Variants in EVL observed in about 807,000 individuals in gnomAD.
EVL encodes the protein Enah/Vasp-like, also known as ena/VASP-like protein.
A neutral mutation model predicts 59.6 loss-of-function variants in EVL; 21 were observed. The ratio of observed to expected loss-of-function variants is 0.35; its 90% confidence interval spans 0.25 to 0.51. The LOEUF is 0.51. Among genes scored for constraint, EVL ranks in the 20% least tolerant of loss-of-function variants. The pLI, the probability that EVL is intolerant of heterozygous loss-of-function variation, is 0.97. For missense variants in EVL, 462 were observed against 546.6 expected, an observed-to-expected ratio of 0.85 and a Z score of 1.54; for synonymous variants, 198 against 203.5, an observed-to-expected ratio of 0.97 and a Z score of 0.23.
chr14:99,996,234 G>A (rs1429026516), intron 1 of EVL, among the ~76,000 whole-genome samples: 1 of 151,634 alleles, frequency 6.6e-6, no homozygotes, highest in Non-Finnish European at 1.5e-5. Flanking sequence ...CTTTTCTGCT[G>A]GCTTTCATGA....
intron 1 of EVL, among the ~76,000 whole-genome samples, chr14:100,037,873 A>C (rs2061410769): frequency 6.6e-6 from 1 of 152,238 alleles, no homozygotes. Context: ...CAAATGGGAT[A>C]GCTTCCATTT....
intron 1 of EVL, among the ~76,000 whole-genome samples, chr14:100,056,232 G>C (rs377623669): frequency 1.4e-5 from 2 of 140,606 alleles, no homozygotes; most frequent in African/African-American, 5.3e-5. Context: ...TTTTTTTTTT[G>C]CTTCTGAGAT....
intron 8 of EVL, 137 bp from the exon 9 acceptor site, chr14:100,135,768 A>T: frequency 1.3e-6 from 1 of 777,018 alleles, no homozygotes; most frequent in Non-Finnish European, 2.1e-6. Flanking sequence ...TTAAATATTT[A>T]ATGTTTTGCT....
At chr14:99,987,626 G>A (rs1190327804) in intron 1 of EVL, among the ~76,000 whole-genome samples, 1 of 152,178 alleles carries the variant, frequency 6.6e-6, no homozygotes, top group African/African-American at 2.4e-5. Context: ...TGTGTGACAG[G>A]AGCGAGACTC....
chr14:100,038,945 G>C (rs866909503), intron 1 of EVL, among the ~76,000 whole-genome samples: 1 of 152,152 alleles, frequency 6.6e-6, no homozygotes, highest in Admixed American at 6.5e-5. Context: ...AATTCCTCAA[G>C]AGTGGGGACT....
At chr14:100,086,183 G>A (rs1456816645) in intron 2 of EVL, among the ~76,000 whole-genome samples, 1 of 152,162 alleles carries the variant, frequency 6.6e-6, no homozygotes, top group African/African-American at 2.4e-5. Context: ...CCTTTCCCTT[G>A]TTGATGAGCC....
intron 1 of EVL, among the ~76,000 whole-genome samples, chr14:100,002,697 G>A (rs1360127877): frequency 6.6e-6 from 1 of 152,108 alleles, no homozygotes; most frequent in Non-Finnish European, 1.5e-5. Flanking sequence ...ACTTGATTTT[G>A]GAAAGTTTGT....
At chr14:100,082,826 G>A (rs1024910400) in intron 1 of EVL, among the ~76,000 whole-genome samples, 2 of 152,234 alleles carry the variant, frequency 1.3e-5, no homozygotes, top group African/African-American at 4.8e-5. Context: ...CTGATAGGGT[G>A]TCCCCAAACC....
intron 1 of EVL, among the ~76,000 whole-genome samples, chr14:100,047,447 G>A (rs551409518): frequency 2.6e-5 from 4 of 152,066 alleles, no homozygotes; most frequent in East Asian, 1.9e-4. Flanking sequence ...AGAAGGATCC[G>A]TTCTTTCCAC....
At chr14:100,001,919 TG>T (rs1414815672) in intron 1 of EVL, among the ~76,000 whole-genome samples, 1 of 152,212 alleles carries the variant, frequency 6.6e-6, no homozygotes, top group African/African-American at 2.4e-5. Context: ...AAACTTTTAT[TG>T]TACTTATGCA....
At chr14:100,008,855 AAG>A (rs2060999446) in intron 1 of EVL, among the ~76,000 whole-genome samples, 1 of 152,236 alleles carries the variant, frequency 6.6e-6, no homozygotes, top group South Asian at 2.1e-4. Context: ...GCAACACTGC[AAG>A]ACTCATGAGA....
At position 100,140,876 on chromosome 14, in the gene EVL, T is replaced by G. The variant is rs951496446; in HGVS notation, c.1095-304T>G. On this transcript the variant is annotated intron_variant, in intron 11 of 13. Coordinates refer to ENST00000392920, the MANE Select transcript of EVL (RefSeq NM_016337.3). ...CCAGGGAGGCAACGGGTGGGTGCGA[T>G]GTTGTCACTTAAGTTGCCACCTCTG... 5.3e-5 allele frequency: 16 copies of G among 299,336 alleles called. No homozygotes were observed. The South Asian group carries it at 1.1e-3, about 21-fold the overall frequency. The allele number at this position is 299,336 out of a possible 1,614,324, so 18.5% of individuals were successfully genotyped here.
chr14:99,981,452 A>C (rs1354925158), intron 1 of EVL, among the ~76,000 whole-genome samples: 1 of 152,096 alleles, frequency 6.6e-6, no homozygotes, highest in Non-Finnish European at 1.5e-5. Flanking sequence ...AAAAAAAGAA[A>C]AGTAACAATT....
At chr14:99,976,385 A>C (rs774718177) in intron 1 of EVL, among the ~76,000 whole-genome samples, 1 of 152,066 alleles carries the variant, frequency 6.6e-6, no homozygotes, top group Non-Finnish European at 1.5e-5. Context: ...CTTCCAAGCT[A>C]TCTGCCAAAA....
chr14:99,998,675 A>C (rs988075034), intron 1 of EVL, among the ~76,000 whole-genome samples: 2 of 152,194 alleles, frequency 1.3e-5, no homozygotes, highest in Non-Finnish European at 2.9e-5. Context: ...CATGATTCCA[A>C]ATTTTTTTTA....
chr14:100,026,383 A>C (rs1195642044), intron 1 of EVL, among the ~76,000 whole-genome samples: 1 of 152,126 alleles, frequency 6.6e-6, no homozygotes. Flanking sequence ...CCCAGCTGTT[A>C]AGGGAATCAG....
At chr14:100,053,299 C>A (rs2061675544) in intron 1 of EVL, among the ~76,000 whole-genome samples, 1 of 151,900 alleles carries the variant, frequency 6.6e-6, no homozygotes, top group Non-Finnish European at 1.5e-5. Context: ...TTTCTCATTT[C>A]GCCTTCTAAT....
chr14:100,086,511 T>C (rs556412745), intron 2 of EVL, among the ~76,000 whole-genome samples: 81 of 152,326 alleles, frequency 5.3e-4, no homozygotes, highest in Non-Finnish European at 9.4e-4. Flanking sequence ...CCTTCCTGCC[T>C]CTTGGTTGCC....
At chr14:100,059,477 G>T (rs1336815336) in intron 1 of EVL, among the ~76,000 whole-genome samples, 2 of 152,242 alleles carry the variant, frequency 1.3e-5, no homozygotes, top group Non-Finnish European at 2.9e-5. Context: ...TCTGTGTAAG[G>T]ATTCTATTTG....
Sources: gnomAD v4.1 joint callset for allele counts (sites outside exome capture counted in the v4.1 genomes callset) on GRCh38, gnomAD v4.1.1 for gene constraint, MANE v1.5 for transcripts, NCBI Gene and HGNC (gene_info 2026-07-23, HGNC 2026-07-21) for gene names.